SUPT16H: variants seen among roughly 807,000 people sequenced by gnomAD.
SUPT16H encodes the protein SPT16 homolog, facilitates chromatin remodeling subunit.
SUPT16H carries 24 observed loss-of-function variants against 136.2 expected under a neutral mutation model. The observed-to-expected ratio is 0.18, with a 90% CI of 0.13 to 0.25. The LOEUF (loss-of-function observed/expected upper bound fraction) is 0.25, where lower values mean the gene tolerates loss of function less well. Among genes scored for constraint, SUPT16H ranks in the 10% least tolerant of loss-of-function variants. The probability of loss-of-function intolerance (pLI) is 1.00; values close to 1 mark genes in which losing one functional copy is unlikely to be tolerated. For missense variants in SUPT16H, 623 were observed against 1,270.2 expected (o/e 0.49, Z 7.74); for synonymous variants, 415 against 428.2 (o/e 0.97, Z 0.38).
chr14:21,380,090 C>A (rs1312544457), intron 1 of SUPT16H, among the ~76,000 whole-genome samples: 1 of 152,064 alleles, frequency 6.6e-6, no homozygotes, highest in Non-Finnish European at 1.5e-5. Flanking sequence ...TATGTCATTA[C>A]CCCCTAAAAA....
Position 21,353,835 on chromosome 14 carries a change from G to A in SUPT16H, c.2791-3C>T. 1 of 1,611,754 alleles carries A rather than the reference G, an allele frequency of 6.2e-7. No individual in the cohort carries two copies. Among genetic ancestry groups the A allele is most frequent in the Non-Finnish European group, 8.5e-7 (1 of 1,179,314 alleles). On this transcript the variant is annotated splice_polypyrimidine_tract_variant and splice_region_variant and intron_variant, in intron 23 of 25. Coordinates refer to ENST00000216297, the MANE Select transcript of SUPT16H (RefSeq NM_007192.4). The stretch of plus-strand genomic sequence containing the variant: ...TCCCCTTCTTCAGCATCACTCCCCT[G>A]GTGAGTTAGAGCATAATACTGATTT...
At chr14:21,364,734 G>T in intron 10 of SUPT16H, 93 bp downstream of exon 10, 1 of 1,047,916 alleles carries the variant, frequency 9.5e-7, no homozygotes, top group Non-Finnish European at 1.5e-6. Flanking sequence ...CCCTTAGCTA[G>T]CATTTAACAA....
chr14:21,371,858 C>G lies in SUPT16H; in HGVS notation c.330+16G>C. The G allele has an allele frequency of 6.2e-7, 1 of 1,611,848 alleles. No homozygotes were observed. The highest frequency in any genetic ancestry group is 8.5e-7 in the Non-Finnish European group (1 of 1,179,418). ...GATTCTTCCACATTTATGACACATT[C>G]TTTATTAATCCTGACCTTTTCTCGT... On this transcript the variant is annotated intron_variant, in intron 3 of 25. Transcript: ENST00000216297.
rs757979245 is a variant in SUPT16H at position 21,383,943 on chromosome 14, T to C, written c.-16A>G. The C allele has an allele frequency of 5.6e-6, 9 of 1,612,186 alleles. No homozygotes were observed. The highest frequency in any genetic ancestry group is 1.1e-5 in the South Asian group (1 of 91,004). On this transcript the variant is annotated 5_prime_UTR_variant, in exon 1 of 26. Coordinates refer to ENST00000216297, the MANE Select transcript of SUPT16H (RefSeq NM_007192.4). ...TCACAGCCATAGCCCCGGACGCCGCTTCTCCTCGGGTTCCGAGAATCACGC... is the reference window on the plus strand; with the variant it reads ...TCACAGCCATAGCCCCGGACGCCGCCTCTCCTCGGGTTCCGAGAATCACGC...
At chr14:21,371,739 G>T in intron 3 of SUPT16H, 135 bp downstream of exon 3, 1 of 1,002,840 alleles carries the variant, frequency 1.0e-6, no homozygotes, top group Non-Finnish European at 1.4e-6. Flanking sequence ...ATGAAGACGT[G>T]ACAGAACTTT....
chr14:21,354,868 A>T, intron 22 of SUPT16H: 1 of 206,376 alleles, frequency 4.8e-6, no homozygotes, highest in Non-Finnish European at 9.9e-6. Context: ...CTGGGATTAC[A>T]GGTGTGAGCC....
chr14:21,370,247 A>C, intron 4 of SUPT16H, 89 bp downstream of exon 4: 1 of 1,475,568 alleles, frequency 6.8e-7, no homozygotes, highest in Middle Eastern at 2.5e-4. Context: ...AGTTTTCCCA[A>C]AACAAACGTC....
At chr14:21,358,239 A>C in intron 20 of SUPT16H, 76 bp downstream of exon 20, 1 of 954,986 alleles carries the variant, frequency 1.0e-6, no homozygotes, top group Non-Finnish European at 1.6e-6. Flanking sequence ...ATGTTAAATT[A>C]TTATTAAAGG....
rs116259599 is a variant in SUPT16H, at chr14:21,369,588, C to T, written c.630+162G>A. 3.5e-4 allele frequency: 365 copies of T among 1,044,438 alleles called. 1 individual carries two copies. The African/African-American group carries it at 3.8e-3, about 11-fold the overall frequency. 64.7% of individuals were successfully genotyped at this position (1,044,438 alleles called of 1,614,324 possible). A position where few individuals can be genotyped will look rare whatever the true frequency, so the allele number is the denominator to read the frequency against. ...AATGGGTTACCTCAAGAAAACATAA[C>T]GCAGGCTTACCATTATTTTGAAAGG... On this transcript the variant is annotated intron_variant, in intron 5 of 25. Transcript: ENST00000216297.
chr14:21,362,964 AAAC>A lies in SUPT16H; in HGVS notation c.1512-20_1512-18del, dbSNP rs1387249033. The A allele has an allele frequency of 2.5e-6, 4 of 1,613,172 alleles. No homozygotes were observed. Among genetic ancestry groups the A allele is most frequent in the African/African-American group, 1.3e-5 (1 of 74,918 alleles). On this transcript the variant is annotated intron_variant, in intron 13 of 25. Transcript: ENST00000216297. Reference sequence around the variant, plus strand: ...TTGCGAGCTCTGGAGTGGGATAAAAAAACAACTGAGAAATTTCTGCAGTCCCAC... The same window carrying A: ...TTGCGAGCTCTGGAGTGGGATAAAAAAACTGAGAAATTTCTGCAGTCCCAC...
At chr14:21,369,081 A>G (rs8009789) in intron 6 of SUPT16H, 123 bp downstream of exon 6, 985,309 of 1,070,744 alleles carry the variant, frequency 0.92, 454,343 homozygotes, top group Non-Finnish European at 0.94. Flanking sequence ...ATGACTTGGT[A>G]ACACTATACA....
Position 21,354,406 on chromosome 14 carries a change from C to T in SUPT16H, c.2790+5G>A. On this transcript the variant is annotated splice_donor_5th_base_variant and intron_variant, in intron 23 of 25. Coordinates refer to ENST00000216297, the MANE Select transcript of SUPT16H (RefSeq NM_007192.4). ...TACCAGAAAAGAAACCCCACACTCA[C>T]GCACCTCACCCTCAGGCTCCAGGAA... 6.2e-7 allele frequency: 1 copy of T among 1,613,650 alleles called. No individual in the cohort carries two copies. The highest frequency in any genetic ancestry group is 8.5e-7 in the Non-Finnish European group (1 of 1,179,748).
At chr14:21,373,301 C>T (rs1192741043) in intron 2 of SUPT16H, 37 bp downstream of exon 2, 2 of 1,503,176 alleles carry the variant, frequency 1.3e-6, no homozygotes, top group East Asian at 2.3e-5. Context: ...GATAATCCAA[C>T]AACTCTAAGA....
At chr14:21,356,421 A>T (rs1886435856) in intron 22 of SUPT16H, among the ~76,000 whole-genome samples, 1 of 152,210 alleles carries the variant, frequency 6.6e-6, no homozygotes. Flanking sequence ...CAGACTCTGA[A>T]GAGTATTGCC....
intron 5 of SUPT16H, 49 bp downstream of exon 5, chr14:21,369,701 T>C: frequency 6.2e-7 from 1 of 1,608,560 alleles, no homozygotes; most frequent in Non-Finnish European, 8.5e-7. Flanking sequence ...ATGGTAGACT[T>C]ATTACTGCTT....
intron 22 of SUPT16H, among the ~76,000 whole-genome samples, chr14:21,356,202 G>A (rs1022150632): frequency 2.6e-4 from 40 of 152,194 alleles, no homozygotes; most frequent in Admixed American, 2.4e-3. Context: ...CCAGAGATCT[G>A]CAGAGGGGTC....
rs374390465 is a variant in SUPT16H, at chr14:21,371,900, C to T, written c.304G>A (p.Ala102Thr). 3.7e-6 allele frequency: 6 copies of T among 1,614,068 alleles called. No homozygotes were observed. The highest frequency in any genetic ancestry group is 5.1e-6 in the Non-Finnish European group (6 of 1,180,010). Residue 102 changes from alanine to threonine, a missense_variant, in exon 3 of 26, where the codon GCC (alanine) becomes ACC (threonine). Coordinates refer to ENST00000216297, the MANE Select transcript of SUPT16H (RefSeq NM_007192.4). ...TTTTCTCGTATTAGCAGTGTGATGG[C>T]AGGGGCTCCATTAGCATTCTCATTG... Reference protein sequence around the residue: ...KGNENANGAPAITLLIREKNE... With the variant: ...KGNENANGAPTITLLIREKNE...
Position 21,362,777 on chromosome 14 carries a change from G to A in SUPT16H, c.1665+17C>T. On this transcript the variant is annotated intron_variant, in intron 14 of 25. Coordinates refer to ENST00000216297, the MANE Select transcript of SUPT16H (RefSeq NM_007192.4). ...AGCAACAGTTTGGATGAAACCTGAT[G>A]CACTGAATGTCAGTACCTTGATTGT... 7.6e-6 allele frequency: 12 copies of A among 1,586,496 alleles called. No individual in the cohort carries two copies. Among genetic ancestry groups the A allele is most frequent in the Non-Finnish European group, 1.0e-5 (12 of 1,171,750 alleles).
rs1886734299 is a variant in SUPT16H, at chr14:21,369,100, T to C, written c.782+104A>G. ...CTTGGTAACACTATACATTATATAC[T>C]TGTAGCCAAATTTCAGTGTACCCCA... is the stretch of plus-strand genomic sequence containing the variant. On this transcript the variant is annotated intron_variant, in intron 6 of 25. Transcript: ENST00000216297. The C allele has an allele frequency of 2.2e-6, 3 of 1,352,826 alleles. No homozygotes were observed. The East Asian group carries it at 7.1e-5, about 32-fold the overall frequency. 83.8% of individuals were successfully genotyped at this position (1,352,826 alleles called of 1,614,324 possible). A position where few individuals can be genotyped will look rare whatever the true frequency, so the allele number is the denominator to read the frequency against.
Sources: allele counts gnomAD v4.1 joint callset (sites outside exome capture counted in the v4.1 genomes callset), GRCh38; gene constraint gnomAD v4.1.1; transcripts MANE v1.5; gene names NCBI Gene and HGNC (gene_info 2026-07-23, HGNC 2026-07-21).